DSCAML1: variants seen among roughly 807,000 people sequenced by gnomAD.
DSCAML1 encodes cell adhesion molecule DSCAML1.
A neutral mutation model predicts 200.5 loss-of-function variants in DSCAML1; 38 were observed. The observed-to-expected ratio is 0.19, with a 90% CI of 0.15 to 0.25. DSCAML1 has a LOEUF of 0.25. DSCAML1 is among the 10% of genes least tolerant of loss of function. DSCAML1 has a pLI of 1.00. For synonymous variants in DSCAML1, 1,215 were observed against 1,165.0 expected (o/e 1.04, Z -0.87); for missense variants, 2,223 against 2,858.8 (o/e 0.78, Z 5.07).
chr11:117,760,307 G>A (rs2054776389), intron 3 of DSCAML1, among the ~76,000 whole-genome samples: 1 of 152,202 alleles, frequency 6.6e-6, no homozygotes, highest in Admixed American at 6.5e-5. Context: ...GAAAACAGTT[G>A]TATTTCCCTC....
chr11:117,810,449 A>C (rs1044867281), intron 1 of DSCAML1, among the ~76,000 whole-genome samples: 1 of 151,054 alleles, frequency 6.6e-6, no homozygotes, highest in African/African-American at 2.4e-5. Context: ...CCAATCCCTT[A>C]TTTCCGTGCC....
At chr11:117,647,781 G>A (rs2052546437) in intron 3 of DSCAML1, among the ~76,000 whole-genome samples, 1 of 152,140 alleles carries the variant, frequency 6.6e-6, no homozygotes, top group African/African-American at 2.4e-5. Context: ...GAAAGACCAA[G>A]AGGGAGTTCA....
intron 3 of DSCAML1, among the ~76,000 whole-genome samples, chr11:117,614,281 C>G (rs545603202): frequency 6.6e-6 from 1 of 152,082 alleles, no homozygotes; most frequent in Non-Finnish European, 1.5e-5. Flanking sequence ...CCAGTGTCCT[C>G]GGGAGTGAAT....
intron 3 of DSCAML1, among the ~76,000 whole-genome samples, chr11:117,685,878 G>C (rs1266677930): frequency 6.6e-6 from 1 of 152,180 alleles, no homozygotes; most frequent in African/African-American, 2.4e-5. Flanking sequence ...GGGGCCATGA[G>C]AACAGACACT....
chr11:117,756,476 G>A lies in DSCAML1; in HGVS notation c.511+20315C>T, dbSNP rs556095409. 3.9e-5 allele frequency among the ~76,000 whole-genome samples: 6 copies of A among 152,318 alleles called. No homozygotes were observed. In the East Asian group the frequency reaches 1.2e-3, roughly 29 times the overall value. On this transcript the variant is annotated intron_variant, in intron 3 of 32. Coordinates refer to ENST00000651296, the MANE Select transcript of DSCAML1 (RefSeq NM_020693.4). ...GGGAGCCAGAGCCAGCGACCACGAT[G>A]AGAATACAAATCTTCCTGCGAGCTT...
At chr11:117,569,002 G>C (rs1339302330) in intron 3 of DSCAML1, among the ~76,000 whole-genome samples, 2 of 152,106 alleles carry the variant, frequency 1.3e-5, no homozygotes, top group Admixed American at 1.3e-4. Context: ...AAACAGCATG[G>C]TACTGGTACC....
At chr11:117,458,292 C>T (rs1311342868) in intron 19 of DSCAML1, among the ~76,000 whole-genome samples, 2 of 152,220 alleles carry the variant, frequency 1.3e-5, no homozygotes, top group Admixed American at 6.5e-5. Context: ...GAGGCACACC[C>T]CCATCCCTGC....
Position 117,573,736 on chromosome 11 carries a change from G to A in DSCAML1, c.512-41214C>T, listed in dbSNP as rs551216203. ...CCCCAAATGCTAAGTTCTCCCTTAC[G>A]CTTCCAGAAGACAGCCAAAGGGTGG... On this transcript the variant is annotated intron_variant, in intron 3 of 32. Coordinates refer to ENST00000651296, the MANE Select transcript of DSCAML1 (RefSeq NM_020693.4). 3.6e-4 allele frequency among the ~76,000 whole-genome samples: 55 copies of A among 152,310 alleles called. No homozygotes were observed. In the East Asian group the frequency reaches 8.3e-3, roughly 23 times the overall value.
chr11:117,595,059 T>TACAC (rs374932790), intron 3 of DSCAML1, among the ~76,000 whole-genome samples: 3,288 of 143,890 alleles, frequency 0.023, 110 homozygotes, highest in African/African-American at 0.077. Context: ...GTCTTTCTCT[T>TACAC]ACACACACAC....
chr11:117,724,912 C>A (rs1053623676), intron 3 of DSCAML1, among the ~76,000 whole-genome samples: 5 of 152,150 alleles, frequency 3.3e-5, no homozygotes, highest in Non-Finnish European at 7.4e-5. Context: ...AGCAGGAGGA[C>A]CCCAGGTTAG....
intron 11 of DSCAML1, among the ~76,000 whole-genome samples, chr11:117,484,874 A>C (rs2049006027): frequency 6.7e-6 from 1 of 149,458 alleles, no homozygotes; most frequent in African/African-American, 2.5e-5. Context: ...AGCCACAGAG[A>C]AGCAGAGGAA....
At chr11:117,650,296 C>T (rs1269496004) in intron 3 of DSCAML1, among the ~76,000 whole-genome samples, 3 of 152,158 alleles carry the variant, frequency 2.0e-5, no homozygotes, top group Non-Finnish European at 4.4e-5. Flanking sequence ...TGGACTGCCT[C>T]GTGTCAAAGG....
rs1025872805 is a variant in DSCAML1, at chr11:117,626,206, C to A, written c.512-93684G>T. ...CAGCCCACTCTTGCTGAGACCCCCC[C>A]CCCTCCTTCTTCTGGCATGAGACCT... On this transcript the variant is annotated intron_variant, in intron 3 of 32. Transcript: ENST00000651296. Among the ~76,000 whole-genome samples the A allele has an allele frequency of 1.5e-4, 13 of 88,192 alleles. No homozygotes were observed. The East Asian group carries it at 1.8e-3, about 12-fold the overall frequency. The allele number at this position is 88,192 out of a possible 152,430, so 57.9% of individuals were successfully genotyped here.
At chr11:117,541,535 C>A (rs1325205914) in intron 3 of DSCAML1, among the ~76,000 whole-genome samples, 2 of 152,212 alleles carry the variant, frequency 1.3e-5, no homozygotes, top group African/African-American at 2.4e-5. Flanking sequence ...TTGTCTCTCC[C>A]CCTCTAGCCA....
intron 3 of DSCAML1, among the ~76,000 whole-genome samples, chr11:117,557,419 C>G (rs946913508): frequency 6.6e-6 from 1 of 152,162 alleles, no homozygotes; most frequent in Non-Finnish European, 1.5e-5. Flanking sequence ...AGCCCCCCTC[C>G]TGACCACCGT....
chr11:117,694,849 A>C (rs914890081), intron 3 of DSCAML1, among the ~76,000 whole-genome samples: 1 of 152,222 alleles, frequency 6.6e-6, no homozygotes, highest in African/African-American at 2.4e-5. Flanking sequence ...GTGAATAGTT[A>C]ATATGAATAA....
intron 3 of DSCAML1, among the ~76,000 whole-genome samples, chr11:117,616,896 G>A (rs1268239729): frequency 2.6e-5 from 4 of 152,212 alleles, no homozygotes; most frequent in Non-Finnish European, 4.4e-5. Flanking sequence ...AATGACTTAT[G>A]TTATGGAACT....
chr11:117,537,344 T>G (rs138250988), intron 3 of DSCAML1, among the ~76,000 whole-genome samples: 62 of 152,308 alleles, frequency 4.1e-4, no homozygotes, highest in African/African-American at 1.4e-3. Context: ...GGAGACAATA[T>G]CCTTCCACCA....
chr11:117,793,191 T>C (rs2055507297), intron 1 of DSCAML1, among the ~76,000 whole-genome samples: 1 of 152,192 alleles, frequency 6.6e-6, no homozygotes, highest in Admixed American at 6.5e-5. Context: ...CTTGGGTTCC[T>C]GGCACCCTGC....
Sources: gnomAD v4.1 joint callset for allele counts (sites outside exome capture counted in the v4.1 genomes callset) on GRCh38, gnomAD v4.1.1 for gene constraint, MANE v1.5 for transcripts, NCBI Gene and HGNC (gene_info 2026-07-23, HGNC 2026-07-21) for gene names.